Variants in DCAF5 observed in about 807,000 individuals in gnomAD.
DCAF5 encodes DDB1- and CUL4-associated factor 5.
In DCAF5, 9 loss-of-function variants were observed where a neutral mutation model predicts 80.7. The observed-to-expected ratio is 0.11, with a 90% CI of 0.07 to 0.19. The LOEUF (loss-of-function observed/expected upper bound fraction) is 0.19, where lower values mean the gene tolerates loss of function less well. Ranked by LOEUF, DCAF5 falls within the 10% of genes least tolerant of loss-of-function variation. DCAF5 has a pLI of 1.00. For missense variants in DCAF5, 842 were observed against 1,205.7 expected (o/e 0.70, Z 4.47); for synonymous variants, 433 against 461.9 (o/e 0.94, Z 0.80).
chr14:69,054,606 C>T lies in DCAF5; in HGVS notation c.2080G>A (p.Ala694Thr). The change falls in exon 9 of 9, where the codon GCA becomes ACA. Residue 694 changes from alanine to threonine, a missense_variant. Ala to Thr is a moderately conservative substitution (Grantham distance 58). Around this residue, in one of 5 missense-constraint regions of DCAF5, gnomAD observed 607 missense variants for 656.6 expected, o/e 0.92. Coordinates refer to ENST00000341516, the MANE Select transcript of DCAF5 (RefSeq NM_003861.3). The stretch of plus-strand genomic sequence containing the variant: ...GGGTTGTCTTTGTGGCTGGTTCCTG[C>T]TCTCCCTTCATCTGCCTCCCCGGTC... ...LVTGEADEGRAGTSHKDNPAP... is the reference protein window; with the variant it reads ...LVTGEADEGRTGTSHKDNPAP... 1 of 1,614,148 alleles carries T rather than the reference C, an allele frequency of 6.2e-7. No individual in the cohort carries two copies. The highest frequency in any genetic ancestry group is 8.5e-7 in the Non-Finnish European group (1 of 1,180,012).
chr14:69,116,203 C>T (rs552583909), intron 5 of DCAF5, among the ~76,000 whole-genome samples, 163 bp downstream of exon 5: 4 of 152,184 alleles, frequency 2.6e-5, no homozygotes, highest in Non-Finnish European at 4.4e-5. Flanking sequence ...GCTGTCTATT[C>T]CTTGGAAACA....
intron 7 of DCAF5, among the ~76,000 whole-genome samples, chr14:69,067,140 G>C (rs2038475408): frequency 6.6e-6 from 1 of 152,026 alleles, no homozygotes; most frequent in African/African-American, 2.4e-5. Context: ...CAGGGCTTCT[G>C]TCTCCACTGT....
intron 1 of DCAF5, among the ~76,000 whole-genome samples, chr14:69,129,098 C>G (rs896027063): frequency 6.6e-6 from 1 of 152,164 alleles, no homozygotes; most frequent in Non-Finnish European, 1.5e-5. Flanking sequence ...TTCATTTTGC[C>G]TAGTACTCAG....
At chr14:69,071,769 C>A (rs145739815) in intron 7 of DCAF5, among the ~76,000 whole-genome samples, 1 of 152,314 alleles carries the variant, frequency 6.6e-6, no homozygotes, top group African/African-American at 2.4e-5. Context: ...AGGGATGCAT[C>A]CAGCCCACAG....
chr14:69,083,493 T>C, intron 6 of DCAF5: 1 of 337,414 alleles, frequency 3.0e-6, no homozygotes, highest in South Asian at 3.0e-5. Flanking sequence ...GGGCCTCAAA[T>C]CTGACCCTGT....
chr14:69,085,462 T>C (rs2039280422), intron 6 of DCAF5: 1 of 399,978 alleles, frequency 2.5e-6, no homozygotes, highest in Admixed American at 4.2e-5. Context: ...TTAACAGGAT[T>C]TTTGTAGCCT....
intron 5 of DCAF5, among the ~76,000 whole-genome samples, chr14:69,108,219 A>C (rs929607268): frequency 6.6e-6 from 1 of 152,254 alleles, no homozygotes; most frequent in South Asian, 2.1e-4. Flanking sequence ...TCTGTGCCAA[A>C]ATAGTGCCAG....
rs539851738 is a variant in DCAF5, at chr14:69,142,653, C to G, written c.214+10112G>C. Among the ~76,000 whole-genome samples, 4 of 152,304 alleles carry G rather than the reference C, an allele frequency of 2.6e-5. No homozygotes were observed. The South Asian group carries it at 8.3e-4, about 32-fold the overall frequency. ...AAATGACTTACTAGCACTCTCTGAG[C>G]AAATCAGCCCATATTAGGTTTACAC... On this transcript the variant is annotated intron_variant, in intron 1 of 8. Coordinates refer to ENST00000341516, the MANE Select transcript of DCAF5 (RefSeq NM_003861.3).
chr14:69,070,737 C>T (rs2038654505), intron 7 of DCAF5, among the ~76,000 whole-genome samples: 1 of 152,112 alleles, frequency 6.6e-6, no homozygotes, highest in Admixed American at 6.6e-5. Flanking sequence ...TTCTTCTCTG[C>T]CACAGCAAAA....
chr14:69,148,503 T>G (rs576726404), intron 1 of DCAF5, among the ~76,000 whole-genome samples: 1 of 152,276 alleles, frequency 6.6e-6, no homozygotes, highest in African/African-American at 2.4e-5. Flanking sequence ...GAGACCAGCC[T>G]GGCCAACATG....
chr14:69,083,001 G>T (rs1270684294), intron 6 of DCAF5, among the ~76,000 whole-genome samples: 1 of 152,128 alleles, frequency 6.6e-6, no homozygotes, highest in Non-Finnish European at 1.5e-5. Flanking sequence ...TTGTTCCTAA[G>T]AACAATCCAG....
intron 6 of DCAF5, chr14:69,083,968 T>C (rs1278734580): frequency 3.8e-6 from 3 of 781,246 alleles, no homozygotes; most frequent in East Asian, 4.9e-5. Flanking sequence ...ATAAAAGAAA[T>C]GGGTTTTACA....
intron 5 of DCAF5, among the ~76,000 whole-genome samples, chr14:69,108,963 A>G (rs1047300936): frequency 1.3e-5 from 2 of 152,174 alleles, no homozygotes; most frequent in Non-Finnish European, 2.9e-5. Context: ...TGTTATTGCC[A>G]CAGCCACTGG....
At chr14:69,109,182 A>C (rs1226869140) in intron 5 of DCAF5, among the ~76,000 whole-genome samples, 14 of 152,062 alleles carry the variant, frequency 9.2e-5, no homozygotes, top group Admixed American at 9.2e-4. Flanking sequence ...TCTACTAAAC[A>C]TACAAAAAGA....
At position 69,152,607 on chromosome 14, in the gene DCAF5, A is replaced by G. The variant is rs1460963327; in HGVS notation, c.214+158T>C. The G allele has an allele frequency of 1.5e-5, 9 of 606,510 alleles. No individual in the cohort carries two copies. Among genetic ancestry groups the G allele is most frequent in the Non-Finnish European group, 2.0e-5 (7 of 345,360 alleles). 37.6% of individuals were successfully genotyped at this position (606,510 alleles called of 1,614,324 possible). On this transcript the variant is annotated intron_variant, in intron 1 of 8. Coordinates refer to ENST00000341516, the MANE Select transcript of DCAF5 (RefSeq NM_003861.3). This position sits in a 1 kb window ranked among gnomAD's most constrained non-coding sequence, Gnocchi z 4.1. Reference sequence around the variant, plus strand: ...CATCCTCTCCTTCCCCTCCCCCTGCAATGGTTTTAATTTGACACCAAACCT... The same window carrying G: ...CATCCTCTCCTTCCCCTCCCCCTGCGATGGTTTTAATTTGACACCAAACCT...
At chr14:69,058,288 G>C (rs1275274154) in intron 8 of DCAF5, among the ~76,000 whole-genome samples, 3 of 152,016 alleles carry the variant, frequency 2.0e-5, no homozygotes, top group African/African-American at 7.3e-5. Flanking sequence ...GGAGGCCGTG[G>C]CGGGTAGATC....
At chr14:69,122,503 A>ACT (rs2040752894) in intron 1 of DCAF5, 143 bp from the exon 2 acceptor site, 2 of 749,480 alleles carry the variant, frequency 2.7e-6, no homozygotes, top group South Asian at 4.4e-5. Context: ...AAAACCCAGG[A>ACT]CTCTCCCTGC....
At chr14:69,132,347 G>A (rs1213744152) in intron 1 of DCAF5, among the ~76,000 whole-genome samples, 1 of 152,128 alleles carries the variant, frequency 6.6e-6, no homozygotes, top group Non-Finnish European at 1.5e-5. Flanking sequence ...TAATGGGTGT[G>A]AAATGTTTGC....
intron 6 of DCAF5, chr14:69,085,266 C>A: frequency 1.4e-6 from 1 of 713,650 alleles, no homozygotes; most frequent in South Asian, 1.4e-5. Flanking sequence ...GCAATGAAGG[C>A]AAGCAGAAAA....
Sources: gnomAD v4.1 joint callset for allele counts (sites outside exome capture counted in the v4.1 genomes callset) on GRCh38, gnomAD v4.1.1 for gene constraint, gnomAD v4.1.1 regional missense constraint, Gnocchi (gnomAD v3.1) non-coding constraint, MANE v1.5 for transcripts, NCBI Gene and HGNC (gene_info 2026-07-23, HGNC 2026-07-21) for gene names.